PCDH11X: variants seen among roughly 807,000 people sequenced by gnomAD.
PCDH11X encodes protocadherin-11 X-linked.
PCDH11X carries 18 observed loss-of-function variants against 53.3 expected under a neutral mutation model. The ratio of observed to expected loss-of-function variants is 0.34; its 90% CI spans 0.23 to 0.50. PCDH11X has a LOEUF of 0.50. PCDH11X is among the 20% of genes least tolerant of loss of function. The probability of loss-of-function intolerance (pLI) is 0.98; values close to 1 mark genes in which losing one functional copy is unlikely to be tolerated. For missense variants in PCDH11X, 570 were observed against 1,032.4 expected (o/e 0.55, Z 6.14); for synonymous variants, 279 against 393.3 (o/e 0.71, Z 3.44).
chrX:92,383,546 A>G (rs1283721323), intron 8 of PCDH11X, among the ~76,000 whole-genome samples: 3 of 109,513 alleles, frequency 2.7e-5, no homozygotes, highest in East Asian at 5.8e-4. Context: ...TCATTGTTCA[A>G]CTCCCACTTA....
At chrX:92,438,083 A>G (rs1346470542) in intron 9 of PCDH11X, among the ~76,000 whole-genome samples, 1 of 111,667 alleles carries the variant, frequency 9.0e-6, no homozygotes, top group East Asian at 2.8e-4. Flanking sequence ...TAGAGTCTAT[A>G]GAAATTTGAT....
At chrX:92,016,288 T>C (rs2062791683) in intron 6 of PCDH11X, among the ~76,000 whole-genome samples, 2 of 109,250 alleles carry the variant, frequency 1.8e-5, no homozygotes, top group African/African-American at 6.6e-5. Context: ...GATCATTGGC[T>C]TCAATTTAAA....
intron 10 of PCDH11X, among the ~76,000 whole-genome samples, chrX:92,593,362 G>GTTA (rs1267073467): frequency 1.3e-4 from 14 of 111,838 alleles, no homozygotes; most frequent in African/African-American, 4.5e-4. Flanking sequence ...GTTATACGTG[G>GTTA]TTAAAATTGC....
At chrX:92,173,474 A>G (rs751838410) in intron 6 of PCDH11X, among the ~76,000 whole-genome samples, 47 of 110,897 alleles carry the variant, frequency 4.2e-4, no homozygotes, top group African/African-American at 1.5e-3. Flanking sequence ...CTGACAAGGA[A>G]GACCATACCA....
intron 10 of PCDH11X, among the ~76,000 whole-genome samples, chrX:92,548,388 C>T (rs1044263721): frequency 9.0e-6 from 1 of 111,148 alleles, no homozygotes; most frequent in African/African-American, 3.3e-5. Flanking sequence ...TCAGGCTGAT[C>T]TCAGACTCCT....
At chrX:91,935,784 T>C (rs773325892) in intron 6 of PCDH11X, among the ~76,000 whole-genome samples, 50 of 108,180 alleles carry the variant, frequency 4.6e-4, no homozygotes, top group African/African-American at 1.6e-3. Flanking sequence ...AAGATTTACA[T>C]TGGTTCAATC....
At chrX:91,986,541 G>A (rs768313021) in intron 6 of PCDH11X, among the ~76,000 whole-genome samples, 25 of 109,589 alleles carry the variant, frequency 2.3e-4, no homozygotes, top group Non-Finnish European at 4.4e-4. Context: ...ACAGAACTCA[G>A]TGGACTAAAA....
intron 10 of PCDH11X, among the ~76,000 whole-genome samples, chrX:92,605,025 G>A (rs1319497742): frequency 2.0e-5 from 2 of 99,248 alleles, no homozygotes; most frequent in Non-Finnish European, 4.0e-5. Context: ...GAACAACTAG[G>A]CAGTAGATCA....
intron 6 of PCDH11X, among the ~76,000 whole-genome samples, chrX:91,964,911 G>A (rs1386333921): frequency 1.8e-5 from 2 of 112,206 alleles, no homozygotes; most frequent in Non-Finnish European, 3.8e-5. Flanking sequence ...GAAACTGCTA[G>A]CGTTTAGTTT....
intron 8 of PCDH11X, among the ~76,000 whole-genome samples, chrX:92,321,184 GTTTTTTT>G (rs199672875): frequency 1.2e-4 from 10 of 84,872 alleles, no homozygotes; most frequent in Admixed American, 4.3e-4. Flanking sequence ...TGAACTGTAA[GTTTTTTT>G]TTGTTTTTTT....
rs771902761 is a variant in PCDH11X, at chrX:91,798,850, C to T, written c.-378-10616C>T. ...GTTAGGATATATTACCACTACATAG[C>T]AGTGAGGTTGTAAGAACTCATTTCT... On this transcript the variant is annotated intron_variant, in intron 1 of 10. Coordinates refer to ENST00000682573, the MANE Select transcript of PCDH11X (RefSeq NM_032968.5). Among the ~76,000 whole-genome samples, 25 of 110,603 alleles carry T rather than the reference C, an allele frequency of 2.3e-4. No individual in the cohort carries two copies. The South Asian group carries it at 9.1e-3, about 40-fold the overall frequency.
chrX:91,879,481 A>G (rs1939791748), intron 6 of PCDH11X: 1 of 1,069,518 alleles, frequency 9.4e-7, no homozygotes, highest in African/African-American at 1.9e-5. Context: ...TGGATGCAGA[A>G]TAATAATTAT....
chrX:92,431,176 A>G (rs947246486), intron 9 of PCDH11X, among the ~76,000 whole-genome samples: 2 of 111,232 alleles, frequency 1.8e-5, no homozygotes, highest in Admixed American at 1.9e-4. Context: ...AATTGTCTCC[A>G]TATTTTCTTT....
intron 8 of PCDH11X, among the ~76,000 whole-genome samples, chrX:92,347,594 C>T (rs1352124872): frequency 9.0e-6 from 1 of 111,632 alleles, no homozygotes; most frequent in Admixed American, 9.5e-5. Flanking sequence ...CATTTATACC[C>T]AGGTTTATGT....
At chrX:92,217,621 A>G (rs1396332142) in intron 7 of PCDH11X, among the ~76,000 whole-genome samples, 22 of 100,514 alleles carry the variant, frequency 2.2e-4, no homozygotes, top group African/African-American at 8.0e-4. Flanking sequence ...TTAACACCCC[A>G]CTGTCAACAT....
At chrX:91,884,234 T>C (rs1309868033) in intron 6 of PCDH11X, among the ~76,000 whole-genome samples, 1 of 109,637 alleles carries the variant, frequency 9.1e-6, no homozygotes, top group Admixed American at 9.8e-5. Context: ...ATTTTTGTTG[T>C]AATAATGTTT....
At position 91,786,696 on chromosome X, in the gene PCDH11X, C is replaced by T. The variant is rs868865230; in HGVS notation, c.-379+7012C>T. Among the ~76,000 whole-genome samples, 851 of 87,201 alleles carry T rather than the reference C, an allele frequency of 9.8e-3. 12 individuals are homozygous for T. Among genetic ancestry groups the T allele is most frequent in the African/African-American group, 0.034 (820 of 23,806 alleles). The allele number at this position is 87,201 out of a possible 115,157, so 75.7% of individuals were successfully genotyped here. ...GTAGAAAAAGAAGGCATGGTTATACCCATTTTGTCAATGGGGAGACTGAAG... is the reference window on the plus strand; with the variant it reads ...GTAGAAAAAGAAGGCATGGTTATACTCATTTTGTCAATGGGGAGACTGAAG... On this transcript the variant is annotated intron_variant, in intron 1 of 10. Transcript: ENST00000682573.
intron 8 of PCDH11X, 116 bp from the exon 9 acceptor site, chrX:92,387,619 A>G (rs916421339): frequency 4.9e-5 from 56 of 1,137,588 alleles, no homozygotes; most frequent in Non-Finnish European, 6.3e-5. Flanking sequence ...TCACAACTCA[A>G]GATAATGTTA....
chrX:92,565,368 T>A (rs1243536577), intron 10 of PCDH11X, among the ~76,000 whole-genome samples: 11 of 103,023 alleles, frequency 1.1e-4, no homozygotes, highest in African/African-American at 3.9e-4. Context: ...CAATAGCCAA[T>A]ATTTGGAGAC....
Sources: gnomAD v4.1 joint callset for allele counts (sites outside exome capture counted in the v4.1 genomes callset) on GRCh38, gnomAD v4.1.1 for gene constraint, MANE v1.5 for transcripts, NCBI Gene and HGNC (gene_info 2026-07-23, HGNC 2026-07-21) for gene names.